Variants in GOSR2 observed in about 807,000 individuals in gnomAD.
GOSR2 encodes golgi SNAP receptor complex member 2.
GOSR2 carries 20 observed loss-of-function variants against 27.9 expected under a neutral mutation model. That is an observed-to-expected ratio of 0.72 (90% CI 0.50 to 1.04). The LOEUF is 1.04. Among genes scored for constraint, GOSR2 ranks in the 50% least tolerant of loss-of-function variants. The pLI, the probability that GOSR2 is intolerant of heterozygous loss-of-function variation, is 0.00. For missense variants in GOSR2, 261 were observed against 270.5 expected (o/e 0.97, Z 0.25); for synonymous variants, 91 against 98.8 (o/e 0.92, Z 0.47).
chr17:46,971,733 C>A (rs3863498), downstream of GOSR2, among the ~76,000 whole-genome samples: 1 of 152,148 alleles, frequency 6.6e-6, no homozygotes, highest in African/African-American at 2.4e-5. Context: ...TCCTGCACCC[C>A]GACCTGCCTG....
Position 46,938,586 on chromosome 17 carries a change from T to C in GOSR2, c.478-13T>C. Reference sequence around the variant, plus strand: ...TTGATGTTTGTTTTTTTTTCTGTTCTCTTCTGCCCCAGGGGACTCAGAAGA... The same window carrying C: ...TTGATGTTTGTTTTTTTTTCTGTTCCCTTCTGCCCCAGGGGACTCAGAAGA... On this transcript the variant is annotated splice_polypyrimidine_tract_variant and intron_variant, in intron 5 of 5. Transcript: ENST00000640051. 1 of 1,613,578 alleles carries C rather than the reference T, an allele frequency of 6.2e-7. No individual in the cohort carries two copies. The highest frequency in any genetic ancestry group is 1.3e-5 in the African/African-American group (1 of 75,032).
At chr17:46,944,141 T>A (rs1341475307), downstream of GOSR2, among the ~76,000 whole-genome samples, 1 of 152,134 alleles carries the variant, frequency 6.6e-6, no homozygotes, top group Non-Finnish European at 1.5e-5. Flanking sequence ...TGGCTGACAG[T>A]ACAAGAGGGG....
chr17:46,962,194 T>C (rs1338004065), intron 6 of GOSR2, among the ~76,000 whole-genome samples: 2 of 152,074 alleles, frequency 1.3e-5, no homozygotes, highest in African/African-American at 4.8e-5. Context: ...CCGGGCGTGA[T>C]GGCATGCGCC....
chr17:46,936,521 TCA>T, intron 5 of GOSR2: 1 of 985,532 alleles, frequency 1.0e-6, no homozygotes, highest in Non-Finnish European at 1.2e-6. Context: ...TCCACCTGCC[TCA>T]CACCCTGCCT....
intron 4 of GOSR2, 27 bp from the exon 5 acceptor site, chr17:46,935,002 A>T (rs1336764171): frequency 1.2e-6 from 2 of 1,607,726 alleles, no homozygotes; most frequent in Non-Finnish European, 1.7e-6. Flanking sequence ...AAGCAAAGTT[A>T]ATCAAGTGCC....
chr17:46,957,049 T>C (rs1463709778), intron 6 of GOSR2, among the ~76,000 whole-genome samples: 3 of 152,130 alleles, frequency 2.0e-5, no homozygotes, highest in East Asian at 1.9e-4. Context: ...TGGCTCACAC[T>C]TGTAGTCCCA....
intron 4 of GOSR2, 86 bp from the exon 5 acceptor site, chr17:46,934,943 T>C: frequency 1.6e-6 from 2 of 1,213,612 alleles, no homozygotes; most frequent in Non-Finnish European, 2.5e-6. Flanking sequence ...CTGTTCTGGC[T>C]TGGCCTTGGC....
At chr17:46,957,076 A>G (rs1399390452) in intron 6 of GOSR2, among the ~76,000 whole-genome samples, 1 of 152,210 alleles carries the variant, frequency 6.6e-6, no homozygotes, top group African/African-American at 2.4e-5. Context: ...TGGGAGGCCC[A>G]GGCGGGTGGA....
intron 1 of GOSR2, among the ~76,000 whole-genome samples, chr17:46,927,935 G>T (rs2086731631): frequency 6.6e-6 from 1 of 151,954 alleles, no homozygotes; most frequent in Admixed American, 6.6e-5. Flanking sequence ...TTACCTCACA[G>T]CCTGCGTCAG....
chr17:46,935,779 C>T (rs974759593), intron 5 of GOSR2: 231 of 984,242 alleles, frequency 2.3e-4, no homozygotes, highest in Non-Finnish European at 2.6e-4. Flanking sequence ...AGACTCCAGC[C>T]CCTGGGAGTG....
At chr17:46,966,551 G>A in exon 7 of GOSR2, 1 of 695,342 alleles carries the variant, frequency 1.4e-6, no homozygotes. Context: ...GTCTCACCAT[G>A]TTGCCCAGAA....
At chr17:46,962,682 G>C (rs1286839258) in intron 6 of GOSR2, among the ~76,000 whole-genome samples, 1 of 152,200 alleles carries the variant, frequency 6.6e-6, no homozygotes, top group Non-Finnish European at 1.5e-5. Flanking sequence ...CCTTCCAGCT[G>C]TCCCTGCCAA....
intron 4 of GOSR2, chr17:46,932,891 A>G (rs1244159655): frequency 6.6e-6 from 1 of 152,350 alleles, no homozygotes; most frequent in East Asian, 1.9e-4. Context: ...TTGTTTTTTT[A>G]CAGAGGATTA....
Position 46,938,945 on chromosome 17 carries a change from A to G in GOSR2, c.*185A>G. ...GTTTTCTGTGACATCTTGGAGGGGG[A>G]GCTAGTGCCACCACCATGCGCGGTG... is the stretch of plus-strand genomic sequence containing the variant. On this transcript the variant is annotated 3_prime_UTR_variant, in exon 6 of 6. Transcript: ENST00000640051. 2 of 1,488,612 alleles carry G rather than the reference A, an allele frequency of 1.3e-6. No individual in the cohort carries two copies. Among genetic ancestry groups the G allele is most frequent in the South Asian group, 1.2e-5 (1 of 80,290 alleles). 92.2% of individuals were successfully genotyped at this position (1,488,612 alleles called of 1,614,324 possible).
intron 1 of GOSR2, among the ~76,000 whole-genome samples, chr17:46,927,373 GT>G (rs1203503072): frequency 6.6e-6 from 1 of 152,082 alleles, no homozygotes; most frequent in Admixed American, 6.5e-5. Flanking sequence ...TTGTTTTCAT[GT>G]TGTCAGATGT....
In GOSR2 at chr17:46,940,423, A is replaced by G. The variant is rs2089101351; in HGVS notation, c.*1663A>G. 6.3e-7 allele frequency: 1 copy of G among 1,598,674 alleles called. No homozygotes were observed. Among genetic ancestry groups the G allele is most frequent in the Non-Finnish European group, 8.5e-7 (1 of 1,177,386 alleles). The stretch of plus-strand genomic sequence containing the variant: ...AGCATCTTTAGACCTAGATCTGTCT[A>G]ACTCTGGGGAGGCACATTGACATTT... On this transcript the variant is annotated 3_prime_UTR_variant, in exon 6 of 6. Coordinates refer to ENST00000640051, the MANE Select transcript of GOSR2 (RefSeq NM_004287.5).
chr17:46,924,109 A>G (rs2146718695), intron 1 of GOSR2, among the ~76,000 whole-genome samples: 1 of 152,290 alleles, frequency 6.6e-6, no homozygotes, highest in South Asian at 2.1e-4. Context: ...TGTGCCTGTT[A>G]ATCAGTAGCA....
At chr17:46,963,980 G>A (rs1647763089) in intron 6 of GOSR2, 1 of 152,108 alleles carries the variant, frequency 6.6e-6, no homozygotes, top group African/African-American at 2.4e-5. Flanking sequence ...TCACACCTGT[G>A]TAATTGACTT....
chr17:46,929,332 T>C (rs1006570746), intron 1 of GOSR2, among the ~76,000 whole-genome samples, 188 bp from the exon 2 acceptor site: 1 of 152,202 alleles, frequency 6.6e-6, no homozygotes, highest in Non-Finnish European at 1.5e-5. Context: ...TCAGTGTTAT[T>C]GTTAGTAGTT....
Sources: allele counts gnomAD v4.1 joint callset (sites outside exome capture counted in the v4.1 genomes callset), GRCh38; gene constraint gnomAD v4.1.1; transcripts MANE v1.5; gene names NCBI Gene and HGNC (gene_info 2026-07-23, HGNC 2026-07-21).